Variants in LRMDA observed in about 807,000 individuals in gnomAD.
LRMDA encodes leucine rich melanocyte differentiation associated, also known as leucine-rich melanocyte differentiation-associated protein.
Under a neutral mutation model 29.8 loss-of-function variants are expected in LRMDA, and 18 were observed. That is an observed-to-expected ratio of 0.60 (90% CI 0.42 to 0.90). The LOEUF is 0.90. Among genes scored for constraint, LRMDA ranks in the 40% least tolerant of loss-of-function variants. LRMDA has a pLI of 0.00. For synonymous variants in LRMDA, 125 were observed against 109.4 expected, an observed-to-expected ratio of 1.14 and a Z score of -0.89; for missense variants, 273 against 273.9, an observed-to-expected ratio of 1.00 and a Z score of 0.02.
chr10:76,228,290 G>T (rs1162147178), intron 5 of LRMDA, among the ~76,000 whole-genome samples: 1 of 152,094 alleles, frequency 6.6e-6, no homozygotes, highest in Non-Finnish European at 1.5e-5. Context: ...AAAGTGCTAG[G>T]TATGAGCTAC....
intron 2 of LRMDA, among the ~76,000 whole-genome samples, chr10:75,445,079 C>T (rs185195953): frequency 1.3e-5 from 2 of 152,222 alleles, no homozygotes; most frequent in East Asian, 1.9e-4. Context: ...TAGGTGTGCA[C>T]CACCACCATG....
intron 2 of LRMDA, among the ~76,000 whole-genome samples, chr10:75,958,458 G>C (rs1478049382): frequency 6.6e-6 from 1 of 152,020 alleles, no homozygotes; most frequent in Non-Finnish European, 1.5e-5. Flanking sequence ...ATCATTGCAG[G>C]CATTTGTGTT....
chr10:75,433,848 A>C (rs532690610), intron 1 of LRMDA, among the ~76,000 whole-genome samples: 34 of 152,234 alleles, frequency 2.2e-4, no homozygotes, highest in African/African-American at 6.0e-4. Context: ...AGAAAAAAAA[A>C]CCCTATGCAA....
chr10:76,050,754 G>A (rs1161236940), intron 4 of LRMDA, among the ~76,000 whole-genome samples: 2 of 152,168 alleles, frequency 1.3e-5, no homozygotes, highest in Non-Finnish European at 2.9e-5. Context: ...AATCAATATG[G>A]GAAAGTTGGG....
chr10:76,113,012 C>T (rs1377459512), intron 5 of LRMDA, among the ~76,000 whole-genome samples: 2 of 152,182 alleles, frequency 1.3e-5, no homozygotes, highest in African/African-American at 4.8e-5. Context: ...AGTTTCCAAA[C>T]CAGAGGACTT....
chr10:75,891,204 G>A (rs946861511), intron 2 of LRMDA, among the ~76,000 whole-genome samples: 1 of 152,178 alleles, frequency 6.6e-6, no homozygotes, highest in Non-Finnish European at 1.5e-5. Context: ...GGAAGCTGTT[G>A]AGAGGTCCCT....
intron 5 of LRMDA, among the ~76,000 whole-genome samples, chr10:76,168,731 G>T (rs1441524035): frequency 1.3e-5 from 2 of 152,122 alleles, no homozygotes; most frequent in Non-Finnish European, 2.9e-5. Context: ...ATGAGTAGAT[G>T]AAAGATGTTT....
chr10:75,636,044 A>G (rs1276955243), intron 2 of LRMDA, among the ~76,000 whole-genome samples: 1 of 152,240 alleles, frequency 6.6e-6, no homozygotes, highest in East Asian at 1.9e-4. Flanking sequence ...ATAAAATTTT[A>G]GTATATTTCT....
intron 2 of LRMDA, among the ~76,000 whole-genome samples, chr10:75,717,322 T>C (rs1229398876): frequency 6.6e-6 from 1 of 152,216 alleles, no homozygotes; most frequent in Non-Finnish European, 1.5e-5. Flanking sequence ...GGTTGAGGTC[T>C]CCATCAGCTC....
At chr10:75,458,483 A>G (rs1285361839) in intron 2 of LRMDA, among the ~76,000 whole-genome samples, 1 of 152,194 alleles carries the variant, frequency 6.6e-6, no homozygotes, top group East Asian at 1.9e-4. Flanking sequence ...AGGAAGCAGA[A>G]TCTTCATTAG....
intron 5 of LRMDA, among the ~76,000 whole-genome samples, chr10:76,205,513 G>A (rs1199037285): frequency 6.6e-6 from 1 of 152,142 alleles, no homozygotes; most frequent in Admixed American, 6.5e-5. Flanking sequence ...TCTACCTTGA[G>A]GCTCAGCTAC....
At chr10:75,519,975 A>T (rs1412459214) in intron 2 of LRMDA, among the ~76,000 whole-genome samples, 2 of 152,192 alleles carry the variant, frequency 1.3e-5, no homozygotes, top group Non-Finnish European at 2.9e-5. Context: ...TGGGTTGAAA[A>T]TTCTTTTCTT....
In LRMDA at chr10:75,627,753, G is replaced by A. The variant is rs201620235; in HGVS notation, c.131+189259G>A. 1.2e-4 allele frequency among the ~76,000 whole-genome samples: 18 copies of A among 152,334 alleles called. No individual in the cohort carries two copies. In the East Asian group the frequency reaches 3.3e-3, roughly 28 times the overall value. ...CTCTGAAGCCCCAGGCACCTGCTAT[G>A]GGCTTGCTTCCAATCTGGGGAAGAT... On this transcript the variant is annotated intron_variant, in intron 2 of 6. Coordinates refer to ENST00000611255, the MANE Select transcript of LRMDA (RefSeq NM_001305581.2).
intron 6 of LRMDA, among the ~76,000 whole-genome samples, chr10:76,345,265 G>GGTTTCACCTT (rs1222223194): frequency 1.3e-5 from 2 of 149,382 alleles, no homozygotes; most frequent in Non-Finnish European, 3.0e-5. Context: ...GTAGAGACGG[G>GGTTTCACCTT]GTTTCACCTT....
chr10:76,371,211 C>T (rs926355626), intron 6 of LRMDA, among the ~76,000 whole-genome samples: 7 of 152,138 alleles, frequency 4.6e-5, no homozygotes. Flanking sequence ...TATTGCTACC[C>T]AGTGACCTTG....
chr10:75,999,265 C>T (rs1277054550), intron 2 of LRMDA, among the ~76,000 whole-genome samples: 2 of 152,208 alleles, frequency 1.3e-5, no homozygotes, highest in Non-Finnish European at 1.5e-5. Flanking sequence ...TGGCTCATGT[C>T]CCTGGGTCTG....
intron 2 of LRMDA, among the ~76,000 whole-genome samples, chr10:75,808,595 C>T (rs1002142217): frequency 3.0e-4 from 45 of 152,106 alleles, no homozygotes; most frequent in Admixed American, 2.2e-3. Flanking sequence ...CTGTAACTTC[C>T]GACTCCTTGG....
intron 5 of LRMDA, among the ~76,000 whole-genome samples, chr10:76,079,299 C>T (rs989379787): frequency 2.0e-5 from 3 of 152,110 alleles, no homozygotes; most frequent in African/African-American, 7.2e-5. Context: ...TTTAGATTGC[C>T]GTTTGATCTG....
intron 5 of LRMDA, among the ~76,000 whole-genome samples, chr10:76,250,587 A>G (rs1308896589): frequency 1.3e-5 from 2 of 152,212 alleles, no homozygotes; most frequent in East Asian, 3.9e-4. Context: ...ATTTCAATTT[A>G]AGTTTGAAGA....
Sources: allele counts gnomAD v4.1 joint callset (sites outside exome capture counted in the v4.1 genomes callset), GRCh38; gene constraint gnomAD v4.1.1; transcripts MANE v1.5; gene names NCBI Gene and HGNC (gene_info 2026-07-23, HGNC 2026-07-21).